MOB4: variants seen among roughly 807,000 people sequenced by gnomAD.
MOB4 encodes the protein MOB family member 4, phocein.
MOB4 carries 4 observed loss-of-function variants against 32.2 expected under a neutral mutation model. The ratio of observed to expected loss-of-function variants is 0.12; its 90% CI spans 0.06 to 0.28. The LOEUF is 0.28. Among genes scored for constraint, MOB4 ranks in the 10% least tolerant of loss-of-function variants. The probability of loss-of-function intolerance (pLI) is 1.00; values close to 1 mark genes in which losing one functional copy is unlikely to be tolerated. For missense variants in MOB4, 158 were observed against 271.2 expected (o/e 0.58, Z 2.93); for synonymous variants, 88 against 88.1 (o/e 1.00, Z 0.01).
intron 1 of MOB4, chr2:197,516,537 A>T (rs2086415645): frequency 1.8e-6 from 1 of 563,978 alleles, no homozygotes; most frequent in Non-Finnish European, 3.2e-6. Flanking sequence ...GGGGCCGCTG[A>T]GGTGGGAGGG....
At chr2:197,536,980 TC>T (rs1411212187) in intron 3 of MOB4, among the ~76,000 whole-genome samples, 1 of 152,028 alleles carries the variant, frequency 6.6e-6, no homozygotes, top group Non-Finnish European at 1.5e-5. Flanking sequence ...GCTCAAGTGA[TC>T]CTCCCATCTC....
intron 2 of MOB4, among the ~76,000 whole-genome samples, chr2:197,527,893 T>C (rs2086635442): frequency 6.6e-6 from 1 of 152,234 alleles, no homozygotes; most frequent in Non-Finnish European, 1.5e-5. Context: ...GATTGTGTGC[T>C]TTTTTCCGTT....
chr2:197,536,758 C>G (rs937004253), intron 3 of MOB4, among the ~76,000 whole-genome samples: 78 of 151,474 alleles, frequency 5.1e-4, no homozygotes, highest in African/African-American at 1.7e-3. Flanking sequence ...CAGCCATGCC[C>G]AGCTAATTTT....
intron 1 of MOB4, among the ~76,000 whole-genome samples, chr2:197,519,666 AT>A (rs946414106): frequency 2.0e-5 from 3 of 151,934 alleles, no homozygotes; most frequent in East Asian, 1.9e-4. Context: ...CATTTTCTGT[AT>A]TTTTTTTCTC....
intron 5 of MOB4, among the ~76,000 whole-genome samples, chr2:197,541,870 G>A (rs913749664): frequency 2.0e-5 from 3 of 151,936 alleles, no homozygotes; most frequent in African/African-American, 7.2e-5. Flanking sequence ...AGTGAGCCGA[G>A]ATCCCGCCAC....
intron 3 of MOB4, among the ~76,000 whole-genome samples, chr2:197,537,496 T>A (rs1163721539): frequency 6.6e-6 from 1 of 152,192 alleles, no homozygotes; most frequent in Non-Finnish European, 1.5e-5. Flanking sequence ...TTAAAAATAT[T>A]TACTTTTTGA....
chr2:197,540,877 C>G (rs763291736), intron 5 of MOB4, among the ~76,000 whole-genome samples: 7 of 150,900 alleles, frequency 4.6e-5, no homozygotes, highest in Middle Eastern at 6.9e-3. Flanking sequence ...CAAGGTAAGA[C>G]TATAGGCAGT....
intron 6 of MOB4, among the ~76,000 whole-genome samples, chr2:197,548,931 A>G (rs2087046228): frequency 6.6e-6 from 1 of 152,170 alleles, no homozygotes; most frequent in Non-Finnish European, 1.5e-5. Flanking sequence ...TAGTATGCCT[A>G]AAGAGCAGAC....
At chr2:197,529,222 C>G (rs985841452) in intron 2 of MOB4, among the ~76,000 whole-genome samples, 2 of 152,160 alleles carry the variant, frequency 1.3e-5, no homozygotes, top group African/African-American at 4.8e-5. Flanking sequence ...CCTGCCTCAG[C>G]CTCACAGAGT....
rs535804476 is a variant in MOB4, at chr2:197,517,010, T to G, written c.60+864T>G. Among the ~76,000 whole-genome samples, 3 of 152,302 alleles carry G rather than the reference T, an allele frequency of 2.0e-5. No homozygotes were observed. The East Asian group carries it at 5.8e-4, about 29-fold the overall frequency. On this transcript the variant is annotated intron_variant, in intron 1 of 7. Coordinates refer to ENST00000323303, the MANE Select transcript of MOB4 (RefSeq NM_015387.5). ...TCTGAAATCGGAAGAGATGTGTTTA[T>G]AAAATGTTAAAAAGTGATGCAAATG...
At chr2:197,544,319 GCCTTGGCCT>G (rs1252277890) in intron 5 of MOB4, among the ~76,000 whole-genome samples, 5 of 152,258 alleles carry the variant, frequency 3.3e-5, no homozygotes, top group Admixed American at 3.3e-4. Flanking sequence ...TGATCCACCT[GCCTTGGCCT>G]CCCAGTGTGC....
chr2:197,524,481 C>G (rs1232123939), intron 2 of MOB4, among the ~76,000 whole-genome samples: 1 of 142,404 alleles, frequency 7.0e-6, no homozygotes, highest in Admixed American at 7.3e-5. Flanking sequence ...TGCAGTGAGC[C>G]AAGATCATGC....
intron 5 of MOB4, among the ~76,000 whole-genome samples, chr2:197,541,912 C>G (rs554062878): frequency 4.7e-4 from 68 of 143,980 alleles, no homozygotes; most frequent in African/African-American, 1.6e-3. Context: ...GAGCGAGACT[C>G]CGTCTCAAAA....
At chr2:197,521,186 G>A (rs2086511256) in intron 1 of MOB4, among the ~76,000 whole-genome samples, 1 of 152,278 alleles carries the variant, frequency 6.6e-6, no homozygotes, top group South Asian at 2.1e-4. Context: ...GAGAAATGAA[G>A]GGACAGAGTA....
At chr2:197,542,346 TTA>T (rs2086910233) in intron 5 of MOB4, among the ~76,000 whole-genome samples, 1 of 152,166 alleles carries the variant, frequency 6.6e-6, no homozygotes, top group South Asian at 2.1e-4. Context: ...CAAGTGGTAG[TTA>T]TATTGAGTGG....
At chr2:197,533,149 G>A (rs2086736395) in intron 2 of MOB4, among the ~76,000 whole-genome samples, 1 of 152,138 alleles carries the variant, frequency 6.6e-6, no homozygotes, top group Non-Finnish European at 1.5e-5. Flanking sequence ...GAACAGGAAA[G>A]ACAAAAATGA....
intron 2 of MOB4, among the ~76,000 whole-genome samples, chr2:197,531,494 C>A (rs1335227954): frequency 1.3e-5 from 2 of 151,774 alleles, no homozygotes; most frequent in Non-Finnish European, 2.9e-5. Context: ...TTTTTTTTCT[C>A]AGCCTACTCA....
Position 197,551,552 on chromosome 2 carries a change from A to G in MOB4, c.*906A>G, listed in dbSNP as rs911616224. ...TATCTTTGTTTTGCAAAATTGTTCTACTTAGAAAACAGTCCTTAAAATAGT... is the reference window on the plus strand; with the variant it reads ...TATCTTTGTTTTGCAAAATTGTTCTGCTTAGAAAACAGTCCTTAAAATAGT... On this transcript the variant is annotated 3_prime_UTR_variant, in exon 8 of 8. Coordinates refer to ENST00000323303, the MANE Select transcript of MOB4 (RefSeq NM_015387.5). 2.0e-5 allele frequency: 3 copies of G among 152,736 alleles called. No individual in the cohort carries two copies. Among genetic ancestry groups the G allele is most frequent in the Admixed American group, 6.5e-5 (1 of 15,282 alleles). The allele number at this position is 152,736 out of a possible 1,614,324, so 9.5% of individuals were successfully genotyped here.
At chr2:197,516,254 G>T in intron 1 of MOB4, 108 bp downstream of exon 1, 1 of 1,503,906 alleles carries the variant, frequency 6.6e-7, no homozygotes, top group Non-Finnish European at 8.9e-7. Context: ...AGGCGGGCGG[G>T]CTGGGGCACT....
Sources: gnomAD v4.1 joint callset for allele counts (sites outside exome capture counted in the v4.1 genomes callset) on GRCh38, gnomAD v4.1.1 for gene constraint, MANE v1.5 for transcripts, NCBI Gene and HGNC (gene_info 2026-07-23, HGNC 2026-07-21) for gene names.